Variants in CES5A observed in about 807,000 individuals in gnomAD.
CES5A encodes the protein carboxylesterase 5.
Under a neutral mutation model 62.9 loss-of-function variants are expected in CES5A, and 67 were observed. The observed-to-expected ratio is 1.07, with a 90% CI of 0.88 to 1.31. CES5A has a LOEUF of 1.31. Among genes scored for constraint, CES5A ranks in the 50% most tolerant of loss-of-function variants. CES5A has a pLI of 0.00. For missense variants in CES5A, 748 were observed against 708.5 expected (o/e 1.06, Z -0.63); for synonymous variants, 296 against 280.8 (o/e 1.05, Z -0.54).
intron 4 of CES5A, among the ~76,000 whole-genome samples, chr16:55,868,436 G>C (rs2033510484): frequency 1.3e-5 from 2 of 152,040 alleles, no homozygotes; most frequent in African/African-American, 4.8e-5. Context: ...CATGTTCTCT[G>C]AACCCCTTCT....
chr16:55,853,653 A>G (rs1458687371), intron 9 of CES5A, among the ~76,000 whole-genome samples: 2 of 152,202 alleles, frequency 1.3e-5, no homozygotes, highest in African/African-American at 2.4e-5. Flanking sequence ...TGCTTGCCCC[A>G]GAGCAGTTCT....
At chr16:55,876,372 T>C (rs1369085712), upstream of CES5A, among the ~76,000 whole-genome samples, 1 of 122,218 alleles carries the variant, frequency 8.2e-6, no homozygotes, top group Non-Finnish European at 1.8e-5. Flanking sequence ...TGCATTTCTA[T>C]ACCACAAAAC....
intron 1 of CES5A, among the ~76,000 whole-genome samples, chr16:55,899,305 G>A (rs1457098752): frequency 6.6e-6 from 1 of 152,120 alleles, no homozygotes; most frequent in Non-Finnish European, 1.5e-5. Context: ...CATTATAATG[G>A]GAGGCTTCCT....
At chr16:55,930,823 T>C (rs1343666826) in intron 2 of CES5A, among the ~76,000 whole-genome samples, 1 of 152,294 alleles carries the variant, frequency 6.6e-6, no homozygotes, top group East Asian at 1.9e-4. Context: ...CCTATCAAAA[T>C]ACTGACACAT....
At chr16:55,929,193 A>G (rs1404808118), upstream of CES5A, among the ~76,000 whole-genome samples, 2 of 152,222 alleles carry the variant, frequency 1.3e-5, no homozygotes, top group African/African-American at 4.8e-5. Flanking sequence ...CCAAGGGAGC[A>G]CATCAGAGTA....
At chr16:55,887,733 T>G (rs566125764) in intron 1 of CES5A, among the ~76,000 whole-genome samples, 8 of 152,246 alleles carry the variant, frequency 5.3e-5, no homozygotes, top group African/African-American at 1.9e-4. Flanking sequence ...GACATTGTCA[T>G]GGGTGAAAGG....
At chr16:55,908,065 CT>C (rs2034056197) in intron 1 of CES5A, among the ~76,000 whole-genome samples, 2 of 152,164 alleles carry the variant, frequency 1.3e-5, no homozygotes, top group Admixed American at 1.3e-4. Context: ...TTACTATTCT[CT>C]TGTCTGGCCT....
intron 10 of CES5A, among the ~76,000 whole-genome samples, chr16:55,850,261 A>G (rs569545298): frequency 6.6e-6 from 1 of 152,328 alleles, no homozygotes. Flanking sequence ...ATTTTAAAGT[A>G]TATAATTCAG....
chr16:55,914,485 G>A (rs2034125333), intron 1 of CES5A, among the ~76,000 whole-genome samples: 1 of 152,190 alleles, frequency 6.6e-6, no homozygotes, highest in South Asian at 2.1e-4. Context: ...GGCTACGCCA[G>A]GGGATGAAGG....
intron 2 of CES5A, 132 bp downstream of exon 2, chr16:55,873,701 C>G: frequency 1.2e-6 from 1 of 816,314 alleles, no homozygotes; most frequent in Non-Finnish European, 2.0e-6. Flanking sequence ...ACCACTCGCC[C>G]GAGTCTCAAG....
chr16:55,849,602 T>A, intron 11 of CES5A, 22 bp downstream of exon 11: 1 of 1,612,984 alleles, frequency 6.2e-7, no homozygotes, highest in South Asian at 1.1e-5. Context: ...ATGTGAACTG[T>A]GGGAAGTGGC....
intron 1 of CES5A, among the ~76,000 whole-genome samples, chr16:55,902,493 T>C (rs2034000566): frequency 6.6e-6 from 1 of 152,174 alleles, no homozygotes; most frequent in Non-Finnish European, 1.5e-5. Context: ...AGGACTGACA[T>C]CCTAAGGACC....
At chr16:55,853,122 A>G in intron 9 of CES5A, 94 bp from the exon 10 acceptor site, 1 of 1,295,630 alleles carries the variant, frequency 7.7e-7, no homozygotes, top group Admixed American at 1.8e-5. Context: ...TGAATGCTTT[A>G]CCCACATTGC....
chr16:55,927,307 A>T (rs1433016974), upstream of CES5A, among the ~76,000 whole-genome samples: 1 of 152,216 alleles, frequency 6.6e-6, no homozygotes, highest in Non-Finnish European at 1.5e-5. Flanking sequence ...CAGAAGAAAT[A>T]ATCAACAAAG....
chr16:55,898,723 A>G (rs1456664089), intron 1 of CES5A, among the ~76,000 whole-genome samples: 1 of 152,210 alleles, frequency 6.6e-6, no homozygotes, highest in East Asian at 1.9e-4. Flanking sequence ...CCACTGCCTT[A>G]GTCAATCCAG....
upstream of CES5A, among the ~76,000 whole-genome samples, chr16:55,878,920 C>CT (rs2033730080): frequency 1.3e-5 from 2 of 148,208 alleles, no homozygotes; most frequent in African/African-American, 5.0e-5. Context: ...ACCACTGCAC[C>CT]CCATCACTGC....
chr16:55,890,835 G>C (rs1282283431), intron 1 of CES5A, among the ~76,000 whole-genome samples: 2 of 152,174 alleles, frequency 1.3e-5, no homozygotes, highest in African/African-American at 4.8e-5. Flanking sequence ...GTTGAGGATG[G>C]ACACCTGTAA....
chr16:55,928,751 C>T (rs936330044), upstream of CES5A, among the ~76,000 whole-genome samples: 1 of 152,156 alleles, frequency 6.6e-6, no homozygotes, highest in Non-Finnish European at 1.5e-5. Flanking sequence ...GTAAGCTAAA[C>T]CAATTGAGAT....
At chr16:55,955,081 C>G (rs992591218) in intron 1 of CES5A, among the ~76,000 whole-genome samples, 15 of 152,188 alleles carry the variant, frequency 9.9e-5, no homozygotes, top group Non-Finnish European at 1.8e-4. Flanking sequence ...ATCCTCCTCT[C>G]TGAATGACAG....
Sources: gnomAD v4.1 joint callset for allele counts (sites outside exome capture counted in the v4.1 genomes callset) on GRCh38, gnomAD v4.1.1 for gene constraint, MANE v1.5 for transcripts, NCBI Gene and HGNC (gene_info 2026-07-23, HGNC 2026-07-21) for gene names.